Variants in ANGPT1 observed in about 807,000 individuals in gnomAD.
ANGPT1 encodes the protein angiopoietin-1.
In ANGPT1, 17 loss-of-function variants were observed where a neutral mutation model predicts 62.2. The observed-to-expected ratio is 0.27, with a 90% confidence interval of 0.19 to 0.41. ANGPT1 has a LOEUF of 0.41. Ranked by LOEUF, ANGPT1 falls within the 10% of genes least tolerant of loss-of-function variation. The pLI, the probability that ANGPT1 is intolerant of heterozygous loss-of-function variation, is 1.00. For synonymous variants in ANGPT1, 199 were observed against 198.9 expected (o/e 1.00, Z 0.00); for missense variants, 478 against 594.9 (o/e 0.80, Z 2.04).
intron 1 of ANGPT1, among the ~76,000 whole-genome samples, chr8:107,444,700 A>T (rs1225480956): frequency 6.6e-6 from 1 of 152,232 alleles, no homozygotes; most frequent in East Asian, 1.9e-4. Flanking sequence ...GACTATCTAC[A>T]GGTTCAGGCA....
chr8:107,377,729 C>T (rs1289488610), intron 1 of ANGPT1, among the ~76,000 whole-genome samples: 3 of 152,118 alleles, frequency 2.0e-5, no homozygotes, highest in Non-Finnish European at 4.4e-5. Flanking sequence ...CACAAGTAAG[C>T]AGTGTAGATA....
At chr8:107,394,942 G>T (rs1473622212) in intron 1 of ANGPT1, among the ~76,000 whole-genome samples, 2 of 151,928 alleles carry the variant, frequency 1.3e-5, no homozygotes, top group Non-Finnish European at 2.9e-5. Flanking sequence ...AATTAAGTTT[G>T]ACATAGTGAT....
intron 1 of ANGPT1, among the ~76,000 whole-genome samples, chr8:107,380,995 C>A (rs111567733): frequency 3.7e-4 from 57 of 152,164 alleles, no homozygotes; most frequent in Non-Finnish European, 3.7e-4. Context: ...TTTGCTAATT[C>A]TTGGGAAGGC....
intron 1 of ANGPT1, among the ~76,000 whole-genome samples, chr8:107,378,465 T>C (rs1816571474): frequency 6.6e-6 from 1 of 152,226 alleles, no homozygotes; most frequent in Admixed American, 6.5e-5. Flanking sequence ...TACAGTTGTA[T>C]ATATGTATAA....
At chr8:107,356,831 G>A (rs930183287) in intron 1 of ANGPT1, among the ~76,000 whole-genome samples, 1 of 152,188 alleles carries the variant, frequency 6.6e-6, no homozygotes, top group African/African-American at 2.4e-5. Flanking sequence ...CAAGGGCACA[G>A]CATCAGAGTT....
chr8:107,369,540 G>A (rs896310023), intron 1 of ANGPT1, among the ~76,000 whole-genome samples: 2 of 152,130 alleles, frequency 1.3e-5, no homozygotes, highest in African/African-American at 4.8e-5. Context: ...CTAGCTCTCA[G>A]CCTGTCTTGG....
At chr8:107,261,073 G>C (rs1257626735) in intron 8 of ANGPT1, among the ~76,000 whole-genome samples, 2 of 151,770 alleles carry the variant, frequency 1.3e-5, no homozygotes, top group African/African-American at 4.9e-5. Context: ...GTATTTATTT[G>C]GTAAGAAAAA....
intron 2 of ANGPT1, among the ~76,000 whole-genome samples, chr8:107,338,229 A>G (rs572214591): frequency 3.9e-5 from 6 of 152,356 alleles, no homozygotes; most frequent in Admixed American, 3.3e-4. Context: ...AGAGAGGCAA[A>G]TGCCTCAGTT....
At chr8:107,333,586 T>A (rs1160558748) in intron 3 of ANGPT1, among the ~76,000 whole-genome samples, 1 of 152,044 alleles carries the variant, frequency 6.6e-6, no homozygotes, top group African/African-American at 2.4e-5. Context: ...TCTGTTGAAA[T>A]TAGAATTTAA....
intron 6 of ANGPT1, among the ~76,000 whole-genome samples, chr8:107,288,292 CTTA>C (rs1462142221): frequency 6.6e-6 from 1 of 152,128 alleles, no homozygotes; most frequent in Non-Finnish European, 1.5e-5. Flanking sequence ...AGACTACTTT[CTTA>C]TTCTTACCTT....
chr8:107,491,346 A>T (rs1374013007), intron 1 of ANGPT1, among the ~76,000 whole-genome samples: 2 of 152,200 alleles, frequency 1.3e-5, no homozygotes, highest in Non-Finnish European at 2.9e-5. Context: ...GCTCTAATGG[A>T]GTTTGCATTC....
At chr8:107,386,633 T>C (rs1487924922) in intron 1 of ANGPT1, among the ~76,000 whole-genome samples, 1 of 152,018 alleles carries the variant, frequency 6.6e-6, no homozygotes, top group Non-Finnish European at 1.5e-5. Context: ...TTGCCTGGAG[T>C]TGAATCTTAC....
At chr8:107,486,807 T>C (rs142414281) in intron 1 of ANGPT1, among the ~76,000 whole-genome samples, 52 of 152,286 alleles carry the variant, frequency 3.4e-4, no homozygotes, top group African/African-American at 1.2e-3. Context: ...AAACTTGCCA[T>C]AGGAAATAGT....
At chr8:107,408,612 A>G (rs1817198287) in intron 1 of ANGPT1, among the ~76,000 whole-genome samples, 1 of 152,312 alleles carries the variant, frequency 6.6e-6, no homozygotes, top group East Asian at 1.9e-4. Flanking sequence ...GCAATGAAAG[A>G]TGTTTAAATA....
rs139781448 is a variant in ANGPT1 at position 107,459,489 on chromosome 8, A to AAACAAC, written c.297+37767_297+37772dup. Among the ~76,000 whole-genome samples the AAACAAC allele has an allele frequency of 4.2e-3, 635 of 150,068 alleles. 7 individuals carry two copies. Among genetic ancestry groups the AAACAAC allele is most frequent in the African/African-American group, 0.013 (510 of 40,794 alleles). On this transcript the variant is annotated intron_variant, in intron 1 of 8. Coordinates refer to ENST00000517746, the MANE Select transcript of ANGPT1 (RefSeq NM_001146.5). Reference sequence around the variant, plus strand: ...GGGCAAGTGAGTGAGACTCCTTATCAAACAACAACAACAACAACAACAACA... The same window carrying AAACAAC: ...GGGCAAGTGAGTGAGACTCCTTATCAAACAACAACAACAACAACAACAACAACAACA...
At chr8:107,473,472 A>C (rs1362623595) in intron 1 of ANGPT1, among the ~76,000 whole-genome samples, 2 of 152,068 alleles carry the variant, frequency 1.3e-5, no homozygotes, top group Non-Finnish European at 2.9e-5. Context: ...AAAAGCTCAT[A>C]TGAGACATCT....
At position 107,366,465 on chromosome 8, in the gene ANGPT1, A is replaced by G. The variant is rs1018689834; in HGVS notation, c.298-19368T>C. Among the ~76,000 whole-genome samples the G allele has an allele frequency of 2.6e-5, 4 of 152,318 alleles. No homozygotes were observed. In the East Asian group the frequency reaches 7.7e-4, roughly 29 times the overall value. ...TACAATTAAAAAAATATAACTGGCA[A>G]AACCTGAAATACGTTTGCTGTGTTT... On this transcript the variant is annotated intron_variant, in intron 1 of 8. Coordinates refer to ENST00000517746, the MANE Select transcript of ANGPT1 (RefSeq NM_001146.5).
intron 1 of ANGPT1, among the ~76,000 whole-genome samples, chr8:107,404,772 C>T (rs1056567178): frequency 2.0e-5 from 3 of 152,054 alleles, no homozygotes; most frequent in Non-Finnish European, 4.4e-5. Flanking sequence ...TAATGACACA[C>T]TGCTCTCCAA....
At chr8:107,355,354 A>C (rs1816020741) in intron 1 of ANGPT1, among the ~76,000 whole-genome samples, 1 of 151,786 alleles carries the variant, frequency 6.6e-6, no homozygotes. Flanking sequence ...TGGTCTCCTG[A>C]CTCCAGACTT....
Sources: allele counts gnomAD v4.1 joint callset (sites outside exome capture counted in the v4.1 genomes callset), GRCh38; gene constraint gnomAD v4.1.1; transcripts MANE v1.5; gene names NCBI Gene and HGNC (gene_info 2026-07-23, HGNC 2026-07-21).